CCM2: variants seen among roughly 807,000 people sequenced by gnomAD.
The protein encoded by CCM2 is cerebral cavernous malformations 2 protein.
Under a neutral mutation model 44.9 loss-of-function variants are expected in CCM2, and 25 were observed. The observed-to-expected ratio is 0.56, with a 90% CI of 0.41 to 0.78. The LOEUF (loss-of-function observed/expected upper bound fraction) is 0.78. CCM2 is among the 30% of genes least tolerant of loss of function. CCM2 has a pLI of 0.00. For missense variants in CCM2, 481 were observed against 580.6 expected (o/e 0.83, Z 1.76); for synonymous variants, 219 against 241.1 (o/e 0.91, Z 0.85).
intron 1 of CCM2, chr7:45,027,904 G>A (rs962176439): frequency 4.7e-5 from 54 of 1,158,122 alleles, no homozygotes; most frequent in Non-Finnish European, 6.2e-5. Context: ...TTGTGAGCTA[G>A]GGTAGCCCAG....
intron 2 of CCM2, among the ~76,000 whole-genome samples, chr7:45,050,671 T>A (rs368146193): frequency 6.6e-6 from 1 of 152,258 alleles, no homozygotes; most frequent in Non-Finnish European, 1.5e-5. Flanking sequence ...CCTTTCTAGA[T>A]CCATTGCCCA....
intron 1 of CCM2, among the ~76,000 whole-genome samples, chr7:45,017,617 T>G (rs1454805524): frequency 6.6e-6 from 1 of 152,204 alleles, no homozygotes; most frequent in Non-Finnish European, 1.5e-5. Context: ...TTGTTTATAA[T>G]TTGGTGTCTT....
At chr7:45,010,022 G>A (rs939533736) in intron 1 of CCM2, among the ~76,000 whole-genome samples, 3 of 151,462 alleles carry the variant, frequency 2.0e-5, no homozygotes, top group African/African-American at 2.4e-5. Context: ...TGATCCTCCC[G>A]CCCCAGTCTC....
At chr7:45,034,522 T>TTC (rs1427562060) in intron 1 of CCM2, among the ~76,000 whole-genome samples, 17 of 137,148 alleles carry the variant, frequency 1.2e-4, no homozygotes, top group Admixed American at 1.2e-3. Flanking sequence ...CTTTTTTTTT[T>TTC]TTTTTTTTTT....
chr7:45,029,182 G>A (rs1266012935), intron 1 of CCM2, among the ~76,000 whole-genome samples: 1 of 152,074 alleles, frequency 6.6e-6, no homozygotes, highest in Admixed American at 6.6e-5. Context: ...AGGGACGGTG[G>A]CTTCTACAGC....
intron 1 of CCM2, among the ~76,000 whole-genome samples, chr7:45,033,072 G>C (rs77929278): frequency 1.6e-4 from 11 of 68,586 alleles, no homozygotes; most frequent in African/African-American, 6.6e-4. Context: ...AAAAAAAAAA[G>C]AGCAAAGGCC....
At chr7:45,002,239 A>C (rs1473022813) in intron 1 of CCM2, among the ~76,000 whole-genome samples, 1 of 152,260 alleles carries the variant, frequency 6.6e-6, no homozygotes, top group Non-Finnish European at 1.5e-5. Flanking sequence ...ATGAAGGTAC[A>C]GTTTGGACGC....
chr7:45,038,498 T>C, intron 2 of CCM2, 72 bp downstream of exon 2: 4 of 1,512,836 alleles, frequency 2.6e-6, no homozygotes, highest in Non-Finnish European at 2.7e-6. Flanking sequence ...CACCAGACAC[T>C]CTTGAGTTTA....
intron 1 of CCM2, among the ~76,000 whole-genome samples, chr7:45,023,829 A>G (rs1230316395): frequency 2.4e-5 from 2 of 83,776 alleles, no homozygotes; most frequent in East Asian, 3.1e-4. Context: ...TTTTTTTATG[A>G]GACAGAGTTT....
chr7:45,041,356 A>G (rs1384794341), intron 2 of CCM2, among the ~76,000 whole-genome samples: 1 of 152,222 alleles, frequency 6.6e-6, no homozygotes, highest in Non-Finnish European at 1.5e-5. Context: ...AAGTGCATCT[A>G]AAATCTAAAA....
intron 1 of CCM2, among the ~76,000 whole-genome samples, chr7:45,008,383 T>G (rs1207246729): frequency 9.0e-6 from 1 of 111,702 alleles, no homozygotes; most frequent in East Asian, 2.5e-4. Context: ...TTTTTTTTTT[T>G]GAGACAGTTT....
At chr7:45,067,314 C>A (rs188562890) in intron 4 of CCM2, among the ~76,000 whole-genome samples, 226 of 151,958 alleles carry the variant, frequency 1.5e-3, no homozygotes, top group Middle Eastern at 3.4e-3. Flanking sequence ...GCATGAGCCA[C>A]CACGCCCAGC....
Position 45,040,147 on chromosome 7 carries a change from C to T in CCM2, c.204+1721C>T, listed in dbSNP as rs543113777. On this transcript the variant is annotated intron_variant, in intron 2 of 9. Transcript: ENST00000258781. ...CTGTGGCTCATGCCTGTAATCCCAG[C>T]ACTTTGGGAGGCCAATCACGAGGTC... 2.0e-4 allele frequency among the ~76,000 whole-genome samples: 31 copies of T among 152,078 alleles called. No homozygotes were observed. In the East Asian group the frequency reaches 4.8e-3, roughly 24 times the overall value.
At chr7:45,068,411 T>C in intron 4 of CCM2, 32 bp from the exon 5 acceptor site, 1 of 1,612,936 alleles carries the variant, frequency 6.2e-7, no homozygotes, top group Non-Finnish European at 8.5e-7. Flanking sequence ...GCCCTTCCAC[T>C]GTGCTAAACT....
Position 45,063,984 on chromosome 7 carries a change from T to A in CCM2, c.271T>A (p.Phe91Ile). ...CTCCAGTAGGACTGAAATCCTGCAT[T>A]TCATAGACAATGCAAAGGTAACCCT... The part of the protein sequence containing the change: ...NPSSRTEILH[F>I]IDNAKRAHQL... Residue 91 changes from phenylalanine (F) to isoleucine (I), a missense_variant, in exon 3 of 10, where the codon TTC (phenylalanine) becomes ATC (isoleucine). Transcript: ENST00000258781. 1.2e-6 allele frequency: 2 copies of A among 1,611,928 alleles called. No homozygotes were observed. The highest frequency in any genetic ancestry group is 1.7e-6 in the Non-Finnish European group (2 of 1,178,128).
At chr7:45,024,795 A>T (rs905836129) in intron 1 of CCM2, among the ~76,000 whole-genome samples, 2 of 151,948 alleles carry the variant, frequency 1.3e-5, no homozygotes, top group Admixed American at 1.3e-4. Context: ...GCATTTTCTT[A>T]TTGGAAACCT....
At chr7:45,073,409 G>T (rs779608222) in intron 7 of CCM2, 51 bp from the exon 8 acceptor site, 1 of 1,260,100 alleles carries the variant, frequency 7.9e-7, no homozygotes, top group Non-Finnish European at 1.2e-6. Context: ...AAACGTGTGT[G>T]GGATGGAGGG....
intron 1 of CCM2, among the ~76,000 whole-genome samples, chr7:45,002,469 T>A (rs926647368): frequency 6.6e-6 from 1 of 150,670 alleles, no homozygotes. Flanking sequence ...CTTGGGAGGC[T>A]GAGGCAGGAG....
At chr7:45,058,388 A>G (rs529842777) in intron 2 of CCM2, among the ~76,000 whole-genome samples, 98 of 152,138 alleles carry the variant, frequency 6.4e-4, no homozygotes, top group African/African-American at 2.1e-3. Flanking sequence ...TTACATATGT[A>G]TACATGTGCC....
Sources: allele counts gnomAD v4.1 joint callset (sites outside exome capture counted in the v4.1 genomes callset), GRCh38; gene constraint gnomAD v4.1.1; transcripts MANE v1.5; gene names NCBI Gene and HGNC (gene_info 2026-07-23, HGNC 2026-07-21).